The following EPYC variants were observed in gnomAD, a reference collection of about 807,000 sequenced individuals.
EPYC encodes the protein dermatan sulfate proteoglycan 3.
A neutral mutation model predicts 30.1 loss-of-function variants in EPYC; 28 were observed. The observed-to-expected ratio is 0.93, with a 90% CI of 0.69 to 1.28. The LOEUF (loss-of-function observed/expected upper bound fraction) is 1.28, where lower values mean the gene tolerates loss of function less well. Ranked by LOEUF, EPYC falls within the 50% of genes most tolerant of loss-of-function variation. The pLI is 0.00. For missense variants in EPYC, 382 were observed against 383.5 expected (o/e 1.00, Z 0.03); for synonymous variants, 144 against 141.4 (o/e 1.02, Z -0.13).
At chr12:90,989,296 A>G (rs1045088638) in intron 2 of EPYC, among the ~76,000 whole-genome samples, 1 of 152,054 alleles carries the variant, frequency 6.6e-6, no homozygotes, top group Admixed American at 6.6e-5. Context: ...TTACTGAAAT[A>G]TAATATCACC....
At position 90,963,703 on chromosome 12, in the gene EPYC, C is replaced by A. The variant is rs1205104707; in HGVS notation, c.*453G>T. 1 of 151,448 alleles carries A rather than the reference C, an allele frequency of 6.6e-6. No homozygotes were observed. The allele number at this position is 151,448 out of a possible 1,614,324, so 9.4% of individuals were successfully genotyped here. On this transcript the variant is annotated 3_prime_UTR_variant, in exon 7 of 7. Coordinates refer to ENST00000261172, the MANE Select transcript of EPYC (RefSeq NM_004950.5). The stretch of plus-strand genomic sequence containing the variant: ...ATTATAATTTTCAAATACATTTATT[C>A]TTTTTTTCATGCTCTTTAATGGATT...
intron 2 of EPYC, among the ~76,000 whole-genome samples, chr12:90,988,523 A>G (rs1351709008): frequency 1.3e-5 from 2 of 152,136 alleles, no homozygotes; most frequent in African/African-American, 4.8e-5. Context: ...ATCATGGGCT[A>G]GATGAAATGT....
intron 2 of EPYC, among the ~76,000 whole-genome samples, chr12:90,989,979 C>A (rs186569041): frequency 1.3e-5 from 2 of 151,968 alleles, no homozygotes; most frequent in South Asian, 4.2e-4. Flanking sequence ...TTCCCTACCC[C>A]CTTATTGCCC....
intron 3 of EPYC, among the ~76,000 whole-genome samples, chr12:90,974,834 T>G (rs1173039281): frequency 6.6e-6 from 1 of 152,090 alleles, no homozygotes; most frequent in African/African-American, 2.4e-5. Context: ...GATTGTAAGC[T>G]GTGGAATGAA....
chr12:90,997,146 C>T (rs550740777), intron 2 of EPYC, among the ~76,000 whole-genome samples: 4 of 152,136 alleles, frequency 2.6e-5, no homozygotes, highest in African/African-American at 9.6e-5. Context: ...AAGACCATAA[C>T]TTAATGTCAT....
At chr12:90,997,965 C>T (rs11105907) in intron 2 of EPYC, among the ~76,000 whole-genome samples, 10,422 of 151,946 alleles carry the variant, frequency 0.069, 614 homozygotes, top group South Asian at 0.2. Flanking sequence ...AGTCTTTTAT[C>T]ACCCTTTTGG....
rs890422959 is a variant in EPYC at position 90,970,395 on chromosome 12, A to G, written c.703-256T>C. ...TACAATGTGTTTCTCAGTCTCTAGG[A>G]AGAACCATGTTTTGTTCAGTCTGAC... On this transcript the variant is annotated intron_variant, in intron 5 of 6. Coordinates refer to ENST00000261172, the MANE Select transcript of EPYC (RefSeq NM_004950.5). Among the ~76,000 whole-genome samples the G allele has an allele frequency of 2.6e-5, 4 of 152,322 alleles. No individual in the cohort carries two copies. In the South Asian group the frequency reaches 8.3e-4, roughly 32 times the overall value.
At chr12:90,999,019 G>A (rs1877761455) in intron 2 of EPYC, among the ~76,000 whole-genome samples, 1 of 152,008 alleles carries the variant, frequency 6.6e-6, no homozygotes, top group African/African-American at 2.4e-5. Context: ...TCAACACACA[G>A]TTCACTTTGC....
At position 90,974,560 on chromosome 12, in the gene EPYC, AT is replaced by A. The variant is rs554141534; in HGVS notation, c.341-1581del. ...AGATCCAGAGGAGGTGAATTTGAAT[AT>A]AAAAAGGATCATGAGAGGACAGTAG... On this transcript the variant is annotated intron_variant, in intron 3 of 6. Transcript: ENST00000261172. Among the ~76,000 whole-genome samples the A allele has an allele frequency of 9.9e-4, 151 of 152,240 alleles. 1 individual carries two copies. Among genetic ancestry groups the A allele is most frequent in the African/African-American group, 3.6e-3 (149 of 41,560 alleles).
chr12:90,998,749 C>T (rs981077819), intron 2 of EPYC, among the ~76,000 whole-genome samples: 1 of 152,104 alleles, frequency 6.6e-6, no homozygotes, highest in Admixed American at 6.6e-5. Flanking sequence ...TTGCCATAAA[C>T]TTAGTAAAGC....
chr12:90,975,157 GCT>G (rs1340730261), intron 3 of EPYC, among the ~76,000 whole-genome samples: 1 of 152,000 alleles, frequency 6.6e-6, no homozygotes, highest in African/African-American at 2.4e-5. Context: ...TTAAGCAGGA[GCT>G]GTAAAATATT....
intron 2 of EPYC, among the ~76,000 whole-genome samples, chr12:90,978,729 C>T (rs1284428264): frequency 6.6e-6 from 1 of 152,064 alleles, no homozygotes; most frequent in Non-Finnish European, 1.5e-5. Context: ...TACATATTAT[C>T]TTGTCCTTTC....
At chr12:90,990,231 T>G (rs1424271953) in intron 2 of EPYC, among the ~76,000 whole-genome samples, 2 of 152,096 alleles carry the variant, frequency 1.3e-5, no homozygotes, top group Admixed American at 6.6e-5. Flanking sequence ...AGCAAATTGT[T>G]TCTTGTAACA....
chr12:90,967,946 G>T (rs187413632), intron 6 of EPYC, among the ~76,000 whole-genome samples: 2 of 151,886 alleles, frequency 1.3e-5, no homozygotes, highest in East Asian at 3.9e-4. Flanking sequence ...TTCTAGCCTG[G>T]GTGACAGAGC....
intron 6 of EPYC, among the ~76,000 whole-genome samples, chr12:90,966,746 C>T (rs949055010): frequency 7.2e-5 from 11 of 152,006 alleles, no homozygotes; most frequent in Non-Finnish European, 1.5e-4. Flanking sequence ...ATAAAGTTAA[C>T]GAGTAAATCC....
intron 6 of EPYC, among the ~76,000 whole-genome samples, chr12:90,967,397 T>C (rs1876926133): frequency 6.6e-6 from 1 of 152,178 alleles, no homozygotes; most frequent in Non-Finnish European, 1.5e-5. Context: ...TCCACGTATT[T>C]GTGAATTTCT....
chr12:90,972,279 A>C (rs1171922024), intron 4 of EPYC, among the ~76,000 whole-genome samples: 1 of 152,176 alleles, frequency 6.6e-6, no homozygotes, highest in African/African-American at 2.4e-5. Context: ...TGTCATTTAA[A>C]ATGTTTCCCT....
At position 90,972,784 on chromosome 12, in the gene EPYC, T is replaced by A. The variant is rs111936337; in HGVS notation, c.499+38A>T. ...ACAATGTAAAAATTTAAAGGAAGTG[T>A]GTAAAGCGGTGAAGGCCGTTAATGC... On this transcript the variant is annotated intron_variant, in intron 4 of 6. Coordinates refer to ENST00000261172, the MANE Select transcript of EPYC (RefSeq NM_004950.5). The A allele has an allele frequency of 1.2e-5, 19 of 1,562,546 alleles. No homozygotes were observed. In the African/African-American group the frequency reaches 1.5e-4, roughly 12 times the overall value.
chr12:90,979,856 T>C (rs1052451328), intron 2 of EPYC, among the ~76,000 whole-genome samples: 2 of 152,190 alleles, frequency 1.3e-5, no homozygotes, highest in Admixed American at 1.3e-4. Context: ...CACAGCTCTA[T>C]GTTTAGAGAT....
Sources: gnomAD v4.1 joint callset for allele counts (sites outside exome capture counted in the v4.1 genomes callset) on GRCh38, gnomAD v4.1.1 for gene constraint, MANE v1.5 for transcripts, NCBI Gene and HGNC (gene_info 2026-07-23, HGNC 2026-07-21) for gene names.